The following DCC variants were observed in gnomAD, a reference collection of about 807,000 sequenced individuals.
DCC encodes netrin receptor DCC.
In DCC, 58 loss-of-function variants were observed where a neutral mutation model predicts 172.5. That is an observed-to-expected ratio of 0.34 (90% CI 0.27 to 0.42). The LOEUF is 0.42. Among genes scored for constraint, DCC ranks in the 10% least tolerant of loss-of-function variants. DCC has a pLI of 1.00. For missense variants in DCC, 1,740 were observed against 1,791.0 expected, an observed-to-expected ratio of 0.97 and a Z score of 0.51; for synonymous variants, 709 against 644.5, an observed-to-expected ratio of 1.10 and a Z score of -1.52.
chr18:53,253,072 A>G (rs949774353), intron 12 of DCC, among the ~76,000 whole-genome samples: 20 of 152,072 alleles, frequency 1.3e-4, no homozygotes, highest in Admixed American at 4.6e-4. Context: ...TGTATGTCAG[A>G]ATATAACATA....
chr18:53,530,561 T>C lies in DCC; in HGVS notation c.4255-3T>C, dbSNP rs1196114785. 2.0e-6 allele frequency: 3 copies of C among 1,491,122 alleles called. No homozygotes were observed. Among genetic ancestry groups the C allele is most frequent in the Admixed American group, 1.7e-5 (1 of 59,844 alleles). 92.4% of individuals were successfully genotyped at this position (1,491,122 alleles called of 1,614,324 possible). Reference sequence around the variant, plus strand: ...TAACTCTTGGCTCTCATTCTCTTTATAGGTGTATGAACAGGATGATCTGAG... The same window carrying C: ...TAACTCTTGGCTCTCATTCTCTTTACAGGTGTATGAACAGGATGATCTGAG... On this transcript the variant is annotated splice_polypyrimidine_tract_variant and splice_region_variant and intron_variant, in intron 28 of 28. Coordinates refer to ENST00000442544, the MANE Select transcript of DCC (RefSeq NM_005215.4).
At chr18:53,404,337 T>C (rs1909515822) in intron 19 of DCC, among the ~76,000 whole-genome samples, 1 of 143,302 alleles carries the variant, frequency 7.0e-6, no homozygotes, top group African/African-American at 2.5e-5. Context: ...GTAAATCTTA[T>C]CAGTCAGTGT....
intron 23 of DCC, among the ~76,000 whole-genome samples, chr18:53,456,656 C>G (rs2045486651): frequency 6.6e-6 from 1 of 152,194 alleles, no homozygotes; most frequent in Non-Finnish European, 1.5e-5. Context: ...GCAGTGGGGC[C>G]TGAGAATGTG....
At chr18:52,823,231 G>A (rs2038442236) in intron 2 of DCC, among the ~76,000 whole-genome samples, 1 of 152,032 alleles carries the variant, frequency 6.6e-6, no homozygotes, top group African/African-American at 2.4e-5. Flanking sequence ...TACTTTGGGA[G>A]GCTGAGATGG....
At chr18:53,260,091 G>A (rs985374552) in intron 12 of DCC, among the ~76,000 whole-genome samples, 1 of 152,048 alleles carries the variant, frequency 6.6e-6, no homozygotes, top group African/African-American at 2.4e-5. Context: ...GGTTATTCTA[G>A]TTATCCATTT....
intron 20 of DCC, among the ~76,000 whole-genome samples, chr18:53,412,704 A>C (rs1354328037): frequency 6.6e-6 from 1 of 152,114 alleles, no homozygotes; most frequent in Non-Finnish European, 1.5e-5. Flanking sequence ...GCAGGTGTCC[A>C]CGAACGTCAT....
chr18:53,040,063 G>T (rs1343678749), intron 5 of DCC, among the ~76,000 whole-genome samples: 1 of 151,836 alleles, frequency 6.6e-6, no homozygotes, highest in Non-Finnish European at 1.5e-5. Context: ...TACAGAGGCT[G>T]AATGTCAAAG....
intron 1 of DCC, among the ~76,000 whole-genome samples, chr18:52,522,812 G>A (rs1461825076): frequency 6.6e-6 from 1 of 152,066 alleles, no homozygotes; most frequent in Non-Finnish European, 1.5e-5. Flanking sequence ...ATATTTTATA[G>A]TACCCCACCT....
intron 7 of DCC, among the ~76,000 whole-genome samples, chr18:53,121,711 C>T (rs1313655243): frequency 2.0e-5 from 3 of 151,772 alleles, no homozygotes; most frequent in Non-Finnish European, 4.4e-5. Context: ...GTGCTTGACA[C>T]TGTGGTTAAT....
intron 2 of DCC, among the ~76,000 whole-genome samples, chr18:52,802,569 C>G (rs2038012427): frequency 6.8e-6 from 1 of 147,850 alleles, no homozygotes; most frequent in Admixed American, 6.9e-5. Flanking sequence ...GCCTCAGTCT[C>G]CTGAGCTCAA....
At chr18:52,678,848 G>A (rs924773956) in intron 1 of DCC, among the ~76,000 whole-genome samples, 6 of 151,542 alleles carry the variant, frequency 4.0e-5, no homozygotes, top group South Asian at 2.1e-4. Flanking sequence ...TGTTTTTCTC[G>A]CCCCATCCTT....
chr18:52,894,248 T>A (rs1758189782), intron 2 of DCC, among the ~76,000 whole-genome samples: 1 of 152,092 alleles, frequency 6.6e-6, no homozygotes, highest in Non-Finnish European at 1.5e-5. Context: ...GCTATATATT[T>A]GCCTTTCCTA....
chr18:52,631,701 T>C (rs2034678486), intron 1 of DCC, among the ~76,000 whole-genome samples: 1 of 152,040 alleles, frequency 6.6e-6, no homozygotes, highest in South Asian at 2.1e-4. Context: ...AGAGGTAGGG[T>C]GGTTGACTTG....
intron 5 of DCC, among the ~76,000 whole-genome samples, chr18:53,057,846 CAT>C (rs1415192589): frequency 6.6e-6 from 1 of 151,954 alleles, no homozygotes; most frequent in Non-Finnish European, 1.5e-5. Context: ...AACAAACAAA[CAT>C]ATGCTTCAGG....
intron 7 of DCC, among the ~76,000 whole-genome samples, chr18:53,081,117 C>A (rs1302837247): frequency 6.6e-6 from 1 of 151,870 alleles, no homozygotes; most frequent in African/African-American, 2.4e-5. Flanking sequence ...ACTTTTTCCC[C>A]CCCTCCCCTC....
chr18:52,405,058 A>G (rs998518229), intron 1 of DCC, among the ~76,000 whole-genome samples: 6 of 151,550 alleles, frequency 4.0e-5, no homozygotes, highest in Non-Finnish European at 8.8e-5. Context: ...AATCCAGTCT[A>G]TCATTGTTGG....
chr18:52,896,138 C>G (rs750037004), intron 2 of DCC, among the ~76,000 whole-genome samples: 1 of 152,124 alleles, frequency 6.6e-6, no homozygotes, highest in Non-Finnish European at 1.5e-5. Context: ...GGTGGTGTAT[C>G]AATTCACACT....
chr18:53,309,755 G>A (rs544057305), intron 13 of DCC, among the ~76,000 whole-genome samples: 5 of 151,934 alleles, frequency 3.3e-5, no homozygotes, highest in African/African-American at 7.3e-5. Flanking sequence ...ATGCCCATTT[G>A]CATCTTCATA....
intron 15 of DCC, among the ~76,000 whole-genome samples, chr18:53,351,443 G>GTGTA (rs1555656900): frequency 9.4e-5 from 3 of 31,906 alleles, no homozygotes; most frequent in Non-Finnish European, 1.8e-4. Flanking sequence ...TATATACAGT[G>GTGTA]TATATATATA....
Sources: allele counts gnomAD v4.1 joint callset (sites outside exome capture counted in the v4.1 genomes callset), GRCh38; gene constraint gnomAD v4.1.1; transcripts MANE v1.5; gene names NCBI Gene and HGNC (gene_info 2026-07-23, HGNC 2026-07-21).